The following XRCC4 variants were observed in gnomAD, a reference collection of about 807,000 sequenced individuals.
XRCC4 encodes the protein X-ray repair cross complementing 4, also known as DNA repair protein XRCC4.
XRCC4 carries 28 observed loss-of-function variants against 39.1 expected under a neutral mutation model. That is an observed-to-expected ratio of 0.72 (90% CI 0.53 to 0.98). XRCC4 has a LOEUF of 0.98. XRCC4 is among the 50% of genes least tolerant of loss of function. The probability of loss-of-function intolerance (pLI) is 0.00; values close to 1 mark genes in which losing one functional copy is unlikely to be tolerated. For synonymous variants in XRCC4, 123 were observed against 126.4 expected (o/e 0.97, Z 0.18); for missense variants, 350 against 376.4 (o/e 0.93, Z 0.58).
chr5:83,300,487 A>G (rs2112038173), intron 7 of XRCC4, among the ~76,000 whole-genome samples: 1 of 151,352 alleles, frequency 6.6e-6, no homozygotes, highest in South Asian at 2.1e-4. Context: ...GAATAACCTT[A>G]TGGGCAAAGT....
Position 83,245,918 on chromosome 5 carries a change from G to C in XRCC4, c.746-12612G>C, listed in dbSNP as rs1013672167. On this transcript the variant is annotated intron_variant, in intron 6 of 7. Transcript: ENST00000396027. The stretch of plus-strand genomic sequence containing the variant: ...ACAATCACATTACCTACAAGAAATA[G>C]ATTATTGTCTATTGAGTACTCATTC... 3.3e-5 allele frequency among the ~76,000 whole-genome samples: 5 copies of C among 150,256 alleles called. 1 individual carries two copies. The Admixed American group carries it at 3.3e-4, about 10-fold the overall frequency.
intron 3 of XRCC4, among the ~76,000 whole-genome samples, chr5:83,144,244 T>C (rs1033560679): frequency 2.7e-5 from 4 of 150,010 alleles, no homozygotes; most frequent in Non-Finnish European, 5.9e-5. Context: ...TTTCCTTCTT[T>C]TTTCTGGCTG....
chr5:83,315,319 A>C (rs1472098612), intron 7 of XRCC4, among the ~76,000 whole-genome samples: 1 of 152,168 alleles, frequency 6.6e-6, no homozygotes, highest in Non-Finnish European at 1.5e-5. Flanking sequence ...GTTTCAGGAA[A>C]GAAGCCATTT....
intron 7 of XRCC4, among the ~76,000 whole-genome samples, chr5:83,339,863 C>T (rs904385164): frequency 1.3e-5 from 2 of 152,038 alleles, no homozygotes; most frequent in African/African-American, 4.8e-5. Context: ...CAAGGGCTAC[C>T]GTAAGTTTGT....
intron 7 of XRCC4, among the ~76,000 whole-genome samples, chr5:83,264,416 T>C (rs1753881827): frequency 6.6e-6 from 1 of 152,192 alleles, no homozygotes; most frequent in South Asian, 2.1e-4. Flanking sequence ...CTTCTTCCTA[T>C]GTTTTTATTA....
intron 3 of XRCC4, among the ~76,000 whole-genome samples, chr5:83,120,610 G>A (rs1357327391): frequency 6.6e-6 from 1 of 152,212 alleles, no homozygotes; most frequent in East Asian, 1.9e-4. Context: ...ATTGTGTGCT[G>A]TATATCAGCA....
intron 3 of XRCC4, among the ~76,000 whole-genome samples, chr5:83,122,397 C>A (rs1159782728): frequency 1.3e-5 from 2 of 152,034 alleles, no homozygotes; most frequent in Non-Finnish European, 2.9e-5. Flanking sequence ...ATTGTCACGG[C>A]CAGCAGCTCC....
At chr5:83,270,298 G>A (rs561072817) in intron 7 of XRCC4, among the ~76,000 whole-genome samples, 2 of 152,258 alleles carry the variant, frequency 1.3e-5, no homozygotes, top group African/African-American at 4.8e-5. Context: ...TGGACCAGAG[G>A]TTGGGGACCA....
chr5:83,334,668 T>G (rs1756539566), intron 7 of XRCC4, among the ~76,000 whole-genome samples: 1 of 147,038 alleles, frequency 6.8e-6, no homozygotes, highest in Non-Finnish European at 1.5e-5. Flanking sequence ...TATATGTATG[T>G]GTGTGCATAT....
chr5:83,371,287 C>T, the XRCC4 span, among the ~76,000 whole-genome samples: 3 of 152,142 alleles, frequency 2.0e-5, no homozygotes, highest in Non-Finnish European at 4.4e-5. Context: ...TATTCTTTTA[C>T]CATATCTTCC....
Position 83,211,352 on chromosome 5 carries a change from C to T in XRCC4, c.745+6431C>T, listed in dbSNP as rs186738141. ...ACTCAATTTGCAGCAGAGGGTGATACTCACAACCAGCAGCATTGTCAGTAG... is the reference window on the plus strand; with the variant it reads ...ACTCAATTTGCAGCAGAGGGTGATATTCACAACCAGCAGCATTGTCAGTAG... On this transcript the variant is annotated intron_variant, in intron 6 of 7. Transcript: ENST00000396027. Among the ~76,000 whole-genome samples the T allele has an allele frequency of 3.9e-5, 6 of 152,310 alleles. No homozygotes were observed. The East Asian group carries it at 1.2e-3, about 29-fold the overall frequency.
intron 3 of XRCC4, among the ~76,000 whole-genome samples, chr5:83,193,472 T>G (rs1242785860): frequency 1.3e-5 from 2 of 152,210 alleles, no homozygotes. Context: ...TCATGTTTAT[T>G]TTACACTGAT....
intron 3 of XRCC4, among the ~76,000 whole-genome samples, chr5:83,165,219 A>G (rs1442759189): frequency 6.6e-6 from 1 of 152,122 alleles, no homozygotes; most frequent in African/African-American, 2.4e-5. Context: ...CACATAACCT[A>G]TGAGAATAAA....
chr5:83,260,744 T>G (rs1199574584), intron 7 of XRCC4, among the ~76,000 whole-genome samples: 1 of 152,082 alleles, frequency 6.6e-6, no homozygotes, highest in Non-Finnish European at 1.5e-5. Flanking sequence ...ATGTTCCTTT[T>G]CTTTTCCATG....
chr5:83,249,619 A>T (rs754014453), intron 6 of XRCC4, among the ~76,000 whole-genome samples: 1 of 152,126 alleles, frequency 6.6e-6, no homozygotes. Context: ...AAGGTTTATC[A>T]TTGTCAAATT....
At chr5:83,168,700 C>T (rs1749594701) in intron 3 of XRCC4, among the ~76,000 whole-genome samples, 2 of 152,190 alleles carry the variant, frequency 1.3e-5, no homozygotes, top group South Asian at 4.1e-4. Flanking sequence ...AAATTGTCTT[C>T]CTCACAAATA....
chr5:83,193,774 A>G (rs151202026), intron 3 of XRCC4, among the ~76,000 whole-genome samples: 2 of 152,342 alleles, frequency 1.3e-5, no homozygotes, highest in East Asian at 1.9e-4. Context: ...CTACCTGACA[A>G]TTGTTAAAAT....
intron 2 of XRCC4, among the ~76,000 whole-genome samples, chr5:83,110,534 C>T (rs1392293723): frequency 6.6e-6 from 1 of 151,982 alleles, no homozygotes; most frequent in East Asian, 1.9e-4. Flanking sequence ...CTTATCATCT[C>T]CTTTCATCCA....
rs185319382 is a variant in XRCC4, at chr5:83,209,204, A to G, written c.745+4283A>G. On this transcript the variant is annotated intron_variant, in intron 6 of 7. Transcript: ENST00000396027. ...AGAAACTCTTTTTCTTTCCAAATCA[A>G]GGTAAAACACGATGTCCCTATCTAA... 3.1e-3 allele frequency among the ~76,000 whole-genome samples: 471 copies of G among 152,122 alleles called. 3 individuals are homozygous for G. Among genetic ancestry groups the G allele is most frequent in the African/African-American group, 0.011 (447 of 41,536 alleles).
Sources: allele counts gnomAD v4.1 joint callset (sites outside exome capture counted in the v4.1 genomes callset), GRCh38; gene constraint gnomAD v4.1.1; transcripts MANE v1.5; gene names NCBI Gene and HGNC (gene_info 2026-07-23, HGNC 2026-07-21).